Variants in KLRF1 observed in about 807,000 individuals in gnomAD.
KLRF1 encodes the protein killer cell lectin like receptor F1.
In KLRF1, 27 loss-of-function variants were observed where a neutral mutation model predicts 30.7. The observed-to-expected ratio is 0.88, with a 90% CI of 0.65 to 1.21. KLRF1 has a LOEUF of 1.21. Ranked by LOEUF, KLRF1 falls within the 50% of genes most tolerant of loss-of-function variation. The pLI, the probability that KLRF1 is intolerant of heterozygous loss-of-function variation, is 0.00. For missense variants in KLRF1, 246 were observed against 259.3 expected (o/e 0.95, Z 0.35); for synonymous variants, 92 against 89.3 (o/e 1.03, Z -0.17).
At chr12:9,827,650 T>A in intron 1 of KLRF1, 21 bp downstream of exon 1, 1 of 1,405,044 alleles carries the variant, frequency 7.1e-7, no homozygotes, top group Non-Finnish European at 1.0e-6. Context: ...TAATTTCATT[T>A]TTTCAATTGG....
the KLRF1 span, among the ~76,000 whole-genome samples, chr12:9,819,812 G>A: frequency 1.3e-5 from 2 of 152,132 alleles, no homozygotes; most frequent in Non-Finnish European, 2.9e-5. Flanking sequence ...GCCTTTCCAT[G>A]TGAATCCCAG....
chr12:9,802,068 C>G, the KLRF1 span, among the ~76,000 whole-genome samples: 1 of 152,002 alleles, frequency 6.6e-6, no homozygotes, highest in Non-Finnish European at 1.5e-5. Context: ...CCCTGATGAA[C>G]ATCAATGCAA....
chr12:9,832,223 T>C (rs1867444600), intron 1 of KLRF1, 93 bp from the exon 2 acceptor site: 1 of 659,040 alleles, frequency 1.5e-6, no homozygotes, highest in Non-Finnish European at 2.6e-6. Context: ...AAACCAAAAC[T>C]AATATTTTAT....
In KLRF1 at chr12:9,833,877, T is replaced by G. The variant is rs78639163; in HGVS notation, c.334+425T>G. On this transcript the variant is annotated intron_variant, in intron 3 of 5. Coordinates refer to ENST00000617889, the MANE Select transcript of KLRF1 (RefSeq NM_016523.3). Reference sequence around the variant, plus strand: ...CAGTCATACAGAATTTTGAAAACATTACCTTCTATTTTTAAATGTTTAACT... The same window carrying G: ...CAGTCATACAGAATTTTGAAAACATGACCTTCTATTTTTAAATGTTTAACT... Among the ~76,000 whole-genome samples the G allele has an allele frequency of 7.3e-5, 11 of 151,644 alleles. No homozygotes were observed. In the East Asian group the frequency reaches 2.1e-3, roughly 29 times the overall value.
chr12:9,810,307 G>C, the KLRF1 span, among the ~76,000 whole-genome samples: 3 of 152,310 alleles, frequency 2.0e-5, no homozygotes, highest in South Asian at 6.2e-4. Flanking sequence ...CTGAACGGAA[G>C]TTAAGCTCCC....
intron 3 of KLRF1, 111 bp downstream of exon 3, chr12:9,833,563 A>G (rs1409829711): frequency 1.1e-6 from 1 of 933,414 alleles, no homozygotes; most frequent in Non-Finnish European, 1.5e-6. Flanking sequence ...AAAGTTTGGT[A>G]TAAGTCTACT....
chr12:9,806,658 T>C, the KLRF1 span, among the ~76,000 whole-genome samples: 84,736 of 151,972 alleles, frequency 0.56, 26,217 homozygotes, highest in Non-Finnish European at 0.68. Flanking sequence ...CAGTTTTCTG[T>C]GTGTCTCAAG....
chr12:9,830,278 A>G (rs1249102001), intron 1 of KLRF1, among the ~76,000 whole-genome samples: 1 of 152,088 alleles, frequency 6.6e-6, no homozygotes, highest in Non-Finnish European at 1.5e-5. Context: ...AAATGCAGCT[A>G]CTATTTTTTG....
At chr12:9,823,527 A>G (rs75036667), upstream of KLRF1, among the ~76,000 whole-genome samples, 1,024 of 152,266 alleles carry the variant, frequency 6.7e-3, 13 homozygotes, top group African/African-American at 0.024. Context: ...ACGCCTACAC[A>G]AAAAAGTTAG....
At chr12:9,816,345 C>G in the KLRF1 span, among the ~76,000 whole-genome samples, 1 of 152,170 alleles carries the variant, frequency 6.6e-6, no homozygotes, top group African/African-American at 2.4e-5. Flanking sequence ...AAATCTGAAT[C>G]CTAACTCTAT....
chr12:9,808,836 A>C, the KLRF1 span, among the ~76,000 whole-genome samples: 1 of 152,170 alleles, frequency 6.6e-6, no homozygotes, highest in Non-Finnish European at 1.5e-5. Flanking sequence ...AAAACAATGA[A>C]TGTATCATGT....
chr12:9,831,175 A>G (rs1867416538), intron 1 of KLRF1, among the ~76,000 whole-genome samples: 1 of 151,986 alleles, frequency 6.6e-6, no homozygotes. Context: ...GACTTTTTTA[A>G]GACACATGCT....
chr12:9,804,982 G>A, the KLRF1 span, among the ~76,000 whole-genome samples: 9 of 151,918 alleles, frequency 5.9e-5, 1 homozygote, highest in African/African-American at 2.2e-4. Context: ...TGATCATTGT[G>A]TAATACTTTT....
At chr12:9,821,925 C>A in the KLRF1 span, among the ~76,000 whole-genome samples, 1 of 152,250 alleles carries the variant, frequency 6.6e-6, no homozygotes, top group Non-Finnish European at 1.5e-5. Flanking sequence ...ACCACCCACT[C>A]CACTATGAGA....
upstream of KLRF1, among the ~76,000 whole-genome samples, chr12:9,825,537 A>T (rs1867270374): frequency 6.6e-6 from 1 of 152,192 alleles, no homozygotes; most frequent in Non-Finnish European, 1.5e-5. Flanking sequence ...CTTATGTCTA[A>T]AACCCCAAAA....
chr12:9,834,648 G>A (rs184575466), intron 3 of KLRF1, among the ~76,000 whole-genome samples: 33 of 152,118 alleles, frequency 2.2e-4, no homozygotes, highest in Admixed American at 1.6e-3. Context: ...TACAAGGTCC[G>A]AATAAAAGAA....
rs1468264140 is a variant in KLRF1, at chr12:9,842,236, G to T, written c.475-85G>T. ...TACCATAAGAATCCCTATGCAGAGTGCTTTTTTGCAATAACATTTAAAATA... is the reference window on the plus strand; with the variant it reads ...TACCATAAGAATCCCTATGCAGAGTTCTTTTTTGCAATAACATTTAAAATA... On this transcript the variant is annotated intron_variant, in intron 4 of 5. Coordinates refer to ENST00000617889, the MANE Select transcript of KLRF1 (RefSeq NM_016523.3). 2.8e-6 allele frequency: 4 copies of T among 1,438,794 alleles called. No individual in the cohort carries two copies. In the Admixed American group the frequency reaches 7.6e-5, roughly 27 times the overall value. 89.1% of individuals were successfully genotyped at this position (1,438,794 alleles called of 1,614,324 possible). A position where few individuals can be genotyped will look rare whatever the true frequency, so the allele number is the denominator to read the frequency against.
rs150645076 is a variant in KLRF1 at position 9,830,995 on chromosome 12, G to A, written c.86-1321G>A. Among the ~76,000 whole-genome samples the A allele has an allele frequency of 5.3e-5, 8 of 151,248 alleles. 1 individual carries two copies. The East Asian group carries it at 1.6e-3, about 29-fold the overall frequency. On this transcript the variant is annotated intron_variant, in intron 1 of 5. Transcript: ENST00000617889. ...ATTTTATTATTATTTTTTTGAGATG[G>A]AGTCTCGCTCTGTCGCCCAGGCTGG...
the KLRF1 span, among the ~76,000 whole-genome samples, chr12:9,802,457 A>T: frequency 9.2e-5 from 14 of 152,138 alleles, no homozygotes; most frequent in South Asian, 2.1e-4. Context: ...CACCACTCCT[A>T]TTCAACTAAG....
Sources: allele counts gnomAD v4.1 joint callset (sites outside exome capture counted in the v4.1 genomes callset), GRCh38; gene constraint gnomAD v4.1.1; transcripts MANE v1.5; gene names NCBI Gene and HGNC (gene_info 2026-07-23, HGNC 2026-07-21).